The following DNAJC12 variants were observed in gnomAD, a reference collection of about 807,000 sequenced individuals.
DNAJC12 encodes dnaJ homolog subfamily C member 12.
A neutral mutation model predicts 28.5 loss-of-function variants in DNAJC12; 25 were observed. The ratio of observed to expected loss-of-function variants is 0.88; its 90% CI spans 0.64 to 1.22. The LOEUF (loss-of-function observed/expected upper bound fraction) is 1.22, where lower values mean the gene tolerates loss of function less well. Among genes scored for constraint, DNAJC12 ranks in the 50% most tolerant of loss-of-function variants. The probability of loss-of-function intolerance (pLI) is 0.00; values close to 1 mark genes in which losing one functional copy is unlikely to be tolerated. For synonymous variants in DNAJC12, 77 were observed against 80.6 expected (o/e 0.95, Z 0.24); for missense variants, 222 against 231.7 (o/e 0.96, Z 0.27).
At position 67,819,710 on chromosome 10, in the gene DNAJC12, G is replaced by A. The variant is rs1428119686; in HGVS notation, c.157+3604C>T. Among the ~76,000 whole-genome samples, 9 of 13,212 alleles carry A rather than the reference G, an allele frequency of 6.8e-4. 1 individual carries two copies. The highest frequency in any genetic ancestry group is 1.7e-3 in the African/African-American group (8 of 4,824). 8.7% of individuals were successfully genotyped at this position (13,212 alleles called of 152,430 possible). ...AGAAAGAAAGAAAGGAAGGAAGGAA[G>A]GAAGGAAGCAAGGAAGGAAGGAAGG... On this transcript the variant is annotated intron_variant, in intron 2 of 4. Coordinates refer to ENST00000225171, the MANE Select transcript of DNAJC12 (RefSeq NM_021800.3).
intron 1 of DNAJC12, among the ~76,000 whole-genome samples, chr10:67,824,299 T>C (rs1028509004): frequency 6.6e-6 from 1 of 151,666 alleles, no homozygotes; most frequent in Non-Finnish European, 1.5e-5. Context: ...CCTAGTAATA[T>C]ATAAAATATC....
chr10:67,813,762 G>GAA (rs201652025), intron 2 of DNAJC12, among the ~76,000 whole-genome samples: 1 of 94,988 alleles, frequency 1.1e-5, no homozygotes, highest in South Asian at 3.1e-4. Flanking sequence ...TGTCTCAAAA[G>GAA]AAAAAAAAAA....
chr10:67,821,750 TG>T (rs1233137083), intron 2 of DNAJC12, among the ~76,000 whole-genome samples: 1 of 152,176 alleles, frequency 6.6e-6, no homozygotes, highest in Admixed American at 6.5e-5. Flanking sequence ...CATGAAATGA[TG>T]GGGGCTTACC....
intron 4 of DNAJC12, among the ~76,000 whole-genome samples, chr10:67,799,482 A>G (rs1421479541): frequency 6.6e-6 from 1 of 152,332 alleles, no homozygotes; most frequent in East Asian, 1.9e-4. Context: ...AAATATCGAT[A>G]ATACATATTT....
intron 2 of DNAJC12, 131 bp from the exon 3 acceptor site, chr10:67,811,794 CA>C (rs1841863660): frequency 6.9e-7 from 1 of 1,451,736 alleles, no homozygotes; most frequent in Admixed American, 2.7e-5. Context: ...CAATTTACCT[CA>C]TTAAGCTTTT....
At chr10:67,801,833 A>ATTTTTTT (rs1554883625) in intron 4 of DNAJC12, among the ~76,000 whole-genome samples, 1 of 54,494 alleles carries the variant, frequency 1.8e-5, no homozygotes, top group East Asian at 7.7e-4. Context: ...CCTCCACTTC[A>ATTTTTTT]TTCTTTTTTT....
At chr10:67,800,327 T>C (rs1841730035) in intron 4 of DNAJC12, among the ~76,000 whole-genome samples, 1 of 151,944 alleles carries the variant, frequency 6.6e-6, no homozygotes, top group African/African-American at 2.4e-5. Context: ...AAAAGGTACA[T>C]TATCAAACAA....
chr10:67,798,401 C>G (rs1177721496), intron 4 of DNAJC12, among the ~76,000 whole-genome samples: 1 of 151,894 alleles, frequency 6.6e-6, no homozygotes, highest in Admixed American at 6.6e-5. Context: ...AAAAGAAGGC[C>G]CAGCATGGTG....
intron 1 of DNAJC12, among the ~76,000 whole-genome samples, chr10:67,829,427 TC>T (rs1197097972): frequency 6.6e-6 from 1 of 151,846 alleles, no homozygotes; most frequent in African/African-American, 2.4e-5. Context: ...GATCACGAGG[TC>T]AAGAGATCGA....
At chr10:67,799,003 G>C (rs1345542484) in intron 4 of DNAJC12, among the ~76,000 whole-genome samples, 1 of 151,978 alleles carries the variant, frequency 6.6e-6, no homozygotes, top group Non-Finnish European at 1.5e-5. Context: ...GACCTCAGGT[G>C]ATCTGCCTGC....
intron 1 of DNAJC12, among the ~76,000 whole-genome samples, chr10:67,836,942 TA>T (rs913351419): frequency 9.3e-5 from 14 of 149,942 alleles, no homozygotes; most frequent in Admixed American, 9.3e-4. Flanking sequence ...TATATCCTAA[TA>T]ACATGATTTA....
At chr10:67,800,553 G>C (rs1841732343) in intron 4 of DNAJC12, among the ~76,000 whole-genome samples, 1 of 152,192 alleles carries the variant, frequency 6.6e-6, no homozygotes, top group Non-Finnish European at 1.5e-5. Context: ...AAGCCCTCTG[G>C]CAGAGTCACA....
chr10:67,800,401 C>T (rs182035493), intron 4 of DNAJC12, among the ~76,000 whole-genome samples: 2 of 152,242 alleles, frequency 1.3e-5, no homozygotes, highest in East Asian at 3.9e-4. Context: ...TATAAAACTT[C>T]TTAGAGTTAT....
chr10:67,815,433 A>G (rs1032651530), intron 2 of DNAJC12, among the ~76,000 whole-genome samples: 7 of 145,586 alleles, frequency 4.8e-5, no homozygotes, highest in Non-Finnish European at 1.0e-4. Context: ...GCTTGAACCC[A>G]GGAGGTGGAG....
chr10:67,830,035 T>C (rs1310575154), intron 1 of DNAJC12, among the ~76,000 whole-genome samples: 1 of 152,070 alleles, frequency 6.6e-6, no homozygotes, highest in African/African-American at 2.4e-5. Context: ...TTTATTGACC[T>C]GGGTGCAGTG....
intron 1 of DNAJC12, among the ~76,000 whole-genome samples, chr10:67,830,501 A>G (rs1012266868): frequency 7.1e-6 from 1 of 140,344 alleles, no homozygotes; most frequent in Admixed American, 7.2e-5. Flanking sequence ...ACAGCTATTC[A>G]GGAGGCTGAG....
In DNAJC12 at chr10:67,833,656, C is replaced by G. The variant is rs757672513; in HGVS notation, c.78+4278G>C. On this transcript the variant is annotated intron_variant, in intron 1 of 4. Transcript: ENST00000225171. ...CTGATTTTTTGGTGGTTTGTGCTTG[C>G]GATCGGTGGCTGCGTCACTCTGGTA... 13 of 268,730 alleles carry G rather than the reference C, an allele frequency of 4.8e-5. No homozygotes were observed. In the East Asian group the frequency reaches 1.2e-3, roughly 25 times the overall value. The allele number at this position is 268,730 out of a possible 1,614,324, so 16.6% of individuals were successfully genotyped here.
At chr10:67,807,098 TA>T (rs1259718052) in intron 3 of DNAJC12, among the ~76,000 whole-genome samples, 2 of 151,178 alleles carry the variant, frequency 1.3e-5, no homozygotes, top group Non-Finnish European at 3.0e-5. Context: ...CACCTCTACT[TA>T]AAAAAACAAA....
At chr10:67,798,485 G>A (rs12763908) in intron 4 of DNAJC12, among the ~76,000 whole-genome samples, 4,379 of 151,702 alleles carry the variant, frequency 0.029, 86 homozygotes, top group Non-Finnish European at 0.044. Context: ...TTCGAGACCA[G>A]CATAGGCAAC....
Sources: allele counts gnomAD v4.1 joint callset (sites outside exome capture counted in the v4.1 genomes callset), GRCh38; gene constraint gnomAD v4.1.1; transcripts MANE v1.5; gene names NCBI Gene and HGNC (gene_info 2026-07-23, HGNC 2026-07-21).